Variants in KIAA0930 observed in about 807,000 individuals in gnomAD.
The protein encoded by KIAA0930 is KIAA0930, also known as uncharacterized protein KIAA0930.
KIAA0930 carries 24 observed loss-of-function variants against 43.9 expected under a neutral mutation model. That is an observed-to-expected ratio of 0.55 (90% CI 0.40 to 0.77). The LOEUF (loss-of-function observed/expected upper bound fraction) is 0.77, where lower values mean the gene tolerates loss of function less well. Ranked by LOEUF, KIAA0930 falls within the 30% of genes least tolerant of loss-of-function variation. The probability of loss-of-function intolerance (pLI) is 0.00; values close to 1 mark genes in which losing one functional copy is unlikely to be tolerated. For synonymous variants in KIAA0930, 259 were observed against 216.4 expected (o/e 1.20, Z -1.73); for missense variants, 461 against 574.2 (o/e 0.80, Z 2.02).
intron 7 of KIAA0930, among the ~76,000 whole-genome samples, chr22:45,201,962 A>AG (rs1324245955): frequency 2.6e-5 from 4 of 151,496 alleles, no homozygotes; most frequent in Non-Finnish European, 4.4e-5. Context: ...AATCCTCCTG[A>AG]GGGCCAAGCC....
intron 2 of KIAA0930, chr22:45,211,285 G>T: frequency 2.5e-6 from 1 of 398,018 alleles, no homozygotes; most frequent in South Asian, 1.3e-4. Flanking sequence ...ATATGGAGTT[G>T]ATTAAACATT....
rs2350623 is a variant in KIAA0930 at position 45,192,723 on chromosome 22, C to T, written c.*4453G>A. 0.65 allele frequency: 98,911 copies of T among 152,022 alleles called. 33,386 individuals carry two copies. Among genetic ancestry groups the T allele is most frequent in the East Asian group, 0.95 (4,929 of 5,166 alleles). 9.4% of individuals were successfully genotyped at this position (152,022 alleles called of 1,614,324 possible). A position where few individuals can be genotyped will look rare whatever the true frequency, so the allele number is the denominator to read the frequency against. ...TCAAGGACTGGAAACGGAATAAAAA[C>T]GCCTACTCGCCTTAGGCAGGATAAG... On this transcript the variant is annotated 3_prime_UTR_variant, in exon 10 of 10. Transcript: ENST00000336156.
rs1353912275 is a variant in KIAA0930 at position 45,194,639 on chromosome 22, C to T, written c.*2537G>A. ...CTTGTTACTCTATTACTTTATTCCA[C>T]ATGTCATCTGTTACTTTGGAAAAAC... On this transcript the variant is annotated 3_prime_UTR_variant, in exon 10 of 10. Coordinates refer to ENST00000336156, the MANE Select transcript of KIAA0930 (RefSeq NM_001009880.2). The T allele has an allele frequency of 6.6e-6, 1 of 152,224 alleles. No homozygotes were observed. Among genetic ancestry groups the T allele is most frequent in the Non-Finnish European group, 1.5e-5 (1 of 68,040 alleles). The allele number at this position is 152,224 out of a possible 1,614,324, so 9.4% of individuals were successfully genotyped here. A position where few individuals can be genotyped will look rare whatever the true frequency, so the allele number is the denominator to read the frequency against.
chr22:45,205,282 T>C lies in KIAA0930; in HGVS notation c.451A>G (p.Ser151Gly). 1.9e-6 allele frequency: 3 copies of C among 1,614,174 alleles called. No homozygotes were observed. The highest frequency in any genetic ancestry group is 2.5e-6 in the Non-Finnish European group (3 of 1,179,990). Residue 151 changes from serine (S) to glycine (G), a missense_variant, in exon 5 of 10, where the codon AGC becomes GGC. Ser to Gly is a moderately conservative substitution (Grantham distance 56). Transcript: ENST00000336156. ...FASPSKHPMD[S>G]KGEESKISYP... The stretch of plus-strand genomic sequence containing the variant: ...CTGATCTTGGACTCCTCCCCCTTGC[T>C]GTCCATGGGGTGTTTACTGGGGGAC...
At chr22:45,229,994 G>A (rs2083842172) in intron 1 of KIAA0930, among the ~76,000 whole-genome samples, 1 of 152,244 alleles carries the variant, frequency 6.6e-6, no homozygotes, top group Non-Finnish European at 1.5e-5. Flanking sequence ...TACTCAGGAG[G>A]CTGAGGCAGG....
intron 2 of KIAA0930, 21 bp downstream of exon 2, chr22:45,211,935 C>T (rs770504300): frequency 1.9e-6 from 3 of 1,605,054 alleles, no homozygotes; most frequent in Non-Finnish European, 2.5e-6. Context: ...GACGCAGGGG[C>T]AGGGGCCGGG....
chr22:45,212,965 C>G (rs1320345339), intron 1 of KIAA0930, among the ~76,000 whole-genome samples: 1 of 152,144 alleles, frequency 6.6e-6, no homozygotes, highest in African/African-American at 2.4e-5. Flanking sequence ...CAGCCAAGCT[C>G]TCTCTTATCA....
intron 1 of KIAA0930, chr22:45,235,399 G>C (rs2083881481): frequency 6.6e-6 from 1 of 152,228 alleles, no homozygotes; most frequent in African/African-American, 2.4e-5. Context: ...GGCTGCTCCA[G>C]TCCCAGGAAC....
chr22:45,197,170 A>ACG lies in KIAA0930; in HGVS notation c.*4_*5dup, dbSNP rs2083544322. The ACG allele has an allele frequency of 1.9e-6, 3 of 1,548,034 alleles. No homozygotes were observed. The highest frequency in any genetic ancestry group is 8.7e-7 in the Non-Finnish European group (1 of 1,145,270). Reference sequence around the variant, plus strand: ...GGCCGGGGCTCTGCGCAGGCTCCGCACGCGGCTAGGTCATCAGGATGGGCT... The same window carrying ACG: ...GGCCGGGGCTCTGCGCAGGCTCCGCACGCGCGGCTAGGTCATCAGGATGGGCT... On this transcript the variant is annotated 3_prime_UTR_variant, in exon 10 of 10. Transcript: ENST00000336156.
intron 1 of KIAA0930, among the ~76,000 whole-genome samples, chr22:45,217,814 A>G (rs572241372): frequency 2.6e-5 from 4 of 152,060 alleles, no homozygotes; most frequent in East Asian, 3.9e-4. Flanking sequence ...AGGAAAACTG[A>G]TATTTGCCAG....
chr22:45,200,828 G>A, intron 7 of KIAA0930: 1 of 464,352 alleles, frequency 2.2e-6, no homozygotes, highest in Non-Finnish European at 4.4e-6. Context: ...TGTGGAGACA[G>A]AGAAAGAGAA....
chr22:45,234,988 T>C (rs2294197), intron 1 of KIAA0930, among the ~76,000 whole-genome samples: 57,996 of 148,290 alleles, frequency 0.39, 12,322 homozygotes, highest in South Asian at 0.51. Context: ...GTTTCCGTAA[T>C]GTGCATGTGA....
chr22:45,220,428 A>T (rs1048208945), intron 1 of KIAA0930, among the ~76,000 whole-genome samples: 1 of 151,998 alleles, frequency 6.6e-6, no homozygotes, highest in Non-Finnish European at 1.5e-5. Flanking sequence ...CAGCCTGGCG[A>T]CAGAGACTCA....
intron 5 of KIAA0930, 49 bp downstream of exon 5, chr22:45,205,168 A>G (rs367678974): frequency 2.4e-5 from 34 of 1,435,598 alleles, no homozygotes; most frequent in Non-Finnish European, 3.2e-5. Context: ...CCTAACACCC[A>G]TCTCACGAGA....
intron 1 of KIAA0930, among the ~76,000 whole-genome samples, chr22:45,219,985 T>C (rs1466979003): frequency 6.6e-6 from 1 of 152,122 alleles, no homozygotes; most frequent in Non-Finnish European, 1.5e-5. Flanking sequence ...CTAAGAAACA[T>C]GCCAATTCTT....
At chr22:45,220,446 A>C (rs939883742) in intron 1 of KIAA0930, among the ~76,000 whole-genome samples, 7 of 151,084 alleles carry the variant, frequency 4.6e-5, no homozygotes, top group Non-Finnish European at 1.0e-4. Flanking sequence ...TCAGTCTCCA[A>C]AAAAAAAAGG....
chr22:45,198,666 T>A (rs6006952), intron 8 of KIAA0930, among the ~76,000 whole-genome samples: 162 of 152,270 alleles, frequency 1.1e-3, no homozygotes, highest in Middle Eastern at 6.8e-3. Flanking sequence ...TTTTTGTTTG[T>A]TTTGAGATGG....
chr22:45,206,810 T>G (rs1001753369), intron 2 of KIAA0930, among the ~76,000 whole-genome samples: 3 of 151,994 alleles, frequency 2.0e-5, no homozygotes, highest in African/African-American at 7.3e-5. Flanking sequence ...ATGATTCTCC[T>G]GCCTCAGCCT....
At chr22:45,219,212 TCAGAA>T (rs2083752302) in intron 1 of KIAA0930, among the ~76,000 whole-genome samples, 1 of 152,062 alleles carries the variant, frequency 6.6e-6, no homozygotes, top group East Asian at 1.9e-4. Context: ...ATCAGTAAAA[TCAGAA>T]CAGCTGCCTC....
Sources: allele counts gnomAD v4.1 joint callset (sites outside exome capture counted in the v4.1 genomes callset), GRCh38; gene constraint gnomAD v4.1.1; transcripts MANE v1.5; gene names NCBI Gene and HGNC (gene_info 2026-07-23, HGNC 2026-07-21).